Variants in ABCC8 observed in about 807,000 individuals in gnomAD.
The protein encoded by ABCC8 is ATP binding cassette subfamily C member 8, also known as ATP-binding cassette sub-family C member 8.
A neutral mutation model predicts 188.0 loss-of-function variants in ABCC8; 137 were observed. That is an observed-to-expected ratio of 0.73 (90% CI 0.63 to 0.84). The LOEUF is 0.84. Among genes scored for constraint, ABCC8 ranks in the 40% least tolerant of loss-of-function variants. ABCC8 has a pLI of 0.00. For synonymous variants in ABCC8, 797 were observed against 846.5 expected (o/e 0.94, Z 1.01); for missense variants, 1,750 against 2,072.7 (o/e 0.84, Z 3.02).
chr11:17,463,547 A>T lies in ABCC8; in HGVS notation c.470T>A (p.Phe157Tyr), dbSNP rs1252917378. The change falls in exon 4 of 39, where the codon TTC (phenylalanine) becomes TAC (tyrosine). Residue 157 changes from phenylalanine (F) to tyrosine (Y), a missense_variant. Physicochemically the swap from Phe to Tyr is conservative, Grantham distance 22. Transcript: ENST00000389817. The stretch of plus-strand genomic sequence containing the variant: ...CGAGAAGCCGATGGCGTGGTCCAAG[A>T]ACTTGACAAACTTGATGGTCTTGGT... ...FITKTIKFVK[F>Y]LDHAIGFSQL... is the part of the protein sequence containing the mutation. 6.3e-7 allele frequency: 1 copy of T among 1,594,162 alleles called. No individual in the cohort carries two copies. The highest frequency in any genetic ancestry group is 2.3e-5 in the East Asian group (1 of 44,274).
chr11:17,445,391 G>A (rs1283704975), intron 8 of ABCC8, among the ~76,000 whole-genome samples: 1 of 152,202 alleles, frequency 6.6e-6, no homozygotes, highest in South Asian at 2.1e-4. Context: ...TTCCACATTT[G>A]TGATGATGGC....
Position 17,397,325 on chromosome 11 carries a change from A to C in ABCC8, c.3868-12T>G. ...AGGTAGTTGGAGACCTGTGGGGAGC[A>C]AGCCAGTGGCGCACACTCCATGGTC... On this transcript the variant is annotated splice_polypyrimidine_tract_variant and intron_variant, in intron 31 of 38. Transcript: ENST00000389817. 6.2e-7 allele frequency: 1 copy of C among 1,609,346 alleles called. No individual in the cohort carries two copies. The highest frequency in any genetic ancestry group is 8.5e-7 in the Non-Finnish European group (1 of 1,179,970).
chr11:17,472,492 A>G (rs1848535459), intron 2 of ABCC8, among the ~76,000 whole-genome samples: 1 of 152,208 alleles, frequency 6.6e-6, no homozygotes, highest in Non-Finnish European at 1.5e-5. Flanking sequence ...TGCCTTAATC[A>G]GCCCCCTCCC....
At chr11:17,432,081 G>T in intron 11 of ABCC8, 123 bp downstream of exon 11, 1 of 1,318,456 alleles carries the variant, frequency 7.6e-7, no homozygotes. Context: ...CCTATTTTCA[G>T]TCTGGCTGTG....
At chr11:17,470,450 C>G (rs1016876297) in intron 2 of ABCC8, among the ~76,000 whole-genome samples, 1 of 152,094 alleles carries the variant, frequency 6.6e-6, no homozygotes, top group Admixed American at 6.5e-5. Context: ...GTGCTGAGCC[C>G]TAAGCACAAG....
At chr11:17,471,639 A>C (rs1289453057) in intron 2 of ABCC8, among the ~76,000 whole-genome samples, 1 of 152,206 alleles carries the variant, frequency 6.6e-6, no homozygotes, top group East Asian at 1.9e-4. Context: ...AGAAAGAATG[A>C]TCTCTGTCAT....
chr11:17,450,458 C>A (rs767009581), intron 7 of ABCC8, among the ~76,000 whole-genome samples: 6 of 141,914 alleles, frequency 4.2e-5, no homozygotes, highest in Non-Finnish European at 9.1e-5. Context: ...GCGGTGGTGC[C>A]ATCTCGGCTC....
rs772094360 is a variant in ABCC8 at position 17,397,763 on chromosome 11, G to A, written c.3788C>T (p.Ala1263Val). 2 of 1,613,658 alleles carry A rather than the reference G, an allele frequency of 1.2e-6. No homozygotes were observed. The highest frequency in any genetic ancestry group is 2.2e-5 in the East Asian group (1 of 44,900). ...CAGGGAGTTGGAGATGGAGGTCACC[G>A]CTGCGATGAGCACCACACATGCACC... ...YIGACVVLIA[A>V]VTSISNSLHR... Residue 1263 changes from alanine to valine, a missense_variant, in exon 31 of 39, where the codon GCG becomes GTG. Coordinates refer to ENST00000389817, the MANE Select transcript of ABCC8 (RefSeq NM_000352.6).
At chr11:17,465,445 T>G (rs188274979) in intron 3 of ABCC8, 5 of 152,422 alleles carry the variant, frequency 3.3e-5, no homozygotes, top group African/African-American at 1.2e-4. Flanking sequence ...CTTGGATGTC[T>G]TGTGCAAGGT....
At chr11:17,406,826 C>T in intron 25 of ABCC8, 38 bp from the exon 26 acceptor site, 2 of 1,614,184 alleles carry the variant, frequency 1.2e-6, no homozygotes, top group Non-Finnish European at 1.7e-6. Flanking sequence ...TCCAGGGTGC[C>T]CATGGGCTCA....
At chr11:17,445,047 A>G (rs1467038691) in intron 8 of ABCC8, among the ~76,000 whole-genome samples, 1 of 152,222 alleles carries the variant, frequency 6.6e-6, no homozygotes, top group Non-Finnish European at 1.5e-5. Context: ...AACCGCAGAA[A>G]GGAGATGTGT....
At position 17,428,362 on chromosome 11, in the gene ABCC8, C is replaced by A. The variant is rs368018083; in HGVS notation, c.1967G>T (p.Cys656Phe). The A allele has an allele frequency of 1.7e-5, 28 of 1,614,022 alleles. No individual in the cohort carries two copies. Among genetic ancestry groups the A allele is most frequent in the Non-Finnish European group, 2.2e-5 (26 of 1,180,016 alleles). The change falls in exon 14 of 39, where the codon TGT (cysteine) becomes TTT (phenylalanine). Residue 656 changes from cysteine (C) to phenylalanine (F), a missense_variant. By Grantham distance (205) the Cys-to-Phe change is radical (BLOSUM62 -2). Coordinates refer to ENST00000389817, the MANE Select transcript of ABCC8 (RefSeq NM_000352.6). The stretch of plus-strand genomic sequence containing the variant: ...CTGCAGTGGGCCGGTGAGGCCCCGA[C>A]AATCCTCCCGGGCTGGACGCTTGCG... ...VNRKRPARED[C>F]RGLTGPLQSL...
At chr11:17,436,846 T>G (rs1045724975) in intron 10 of ABCC8, among the ~76,000 whole-genome samples, 2 of 152,176 alleles carry the variant, frequency 1.3e-5, no homozygotes, top group African/African-American at 2.4e-5. Context: ...CCCAGCACTC[T>G]GGGAGGCCAA....
intron 10 of ABCC8, chr11:17,435,956 T>C: frequency 6.3e-7 from 1 of 1,579,998 alleles, no homozygotes; most frequent in African/African-American, 1.3e-5. Context: ...CTCAAAGCAA[T>C]ACCAGTGCCA....
At chr11:17,462,142 A>T (rs1322700371) in intron 4 of ABCC8, among the ~76,000 whole-genome samples, 23 of 152,146 alleles carry the variant, frequency 1.5e-4, no homozygotes. Flanking sequence ...TAAGGATACC[A>T]CCATGTTTCA....
intron 8 of ABCC8, among the ~76,000 whole-genome samples, chr11:17,445,638 A>T (rs1016421845): frequency 1.3e-5 from 2 of 152,246 alleles, no homozygotes; most frequent in African/African-American, 2.4e-5. Context: ...TTTCTTTGCC[A>T]TGGGGCTGGG....
intron 10 of ABCC8, among the ~76,000 whole-genome samples, chr11:17,437,578 C>T (rs1956156294): frequency 1.3e-5 from 2 of 152,182 alleles, no homozygotes; most frequent in African/African-American, 2.4e-5. Flanking sequence ...CCCATTCAGT[C>T]CAATAGTCAG....
At chr11:17,413,624 C>A in intron 19 of ABCC8, 146 bp from the exon 20 acceptor site, 1 of 1,520,942 alleles carries the variant, frequency 6.6e-7, no homozygotes, top group Non-Finnish European at 9.0e-7. Flanking sequence ...CAAGCAAACA[C>A]CGTGTGAGCT....
intron 3 of ABCC8, among the ~76,000 whole-genome samples, 191 bp downstream of exon 3, chr11:17,469,910 G>C (rs1848384362): frequency 6.6e-6 from 1 of 152,088 alleles, no homozygotes; most frequent in South Asian, 2.1e-4. Context: ...TTGTTTGCTT[G>C]TTTATTCACT....
Sources: allele counts gnomAD v4.1 joint callset (sites outside exome capture counted in the v4.1 genomes callset), GRCh38; gene constraint gnomAD v4.1.1; transcripts MANE v1.5; gene names NCBI Gene and HGNC (gene_info 2026-07-23, HGNC 2026-07-21).